The following PLCXD1 variants were observed in gnomAD, a reference collection of about 807,000 sequenced individuals.
PLCXD1 encodes the protein PI-PLC X domain-containing protein 1.
PLCXD1 carries 45 observed loss-of-function variants against 37.8 expected under a neutral mutation model. The observed-to-expected ratio is 1.19, with a 90% CI of 0.94 to 1.53. The LOEUF (loss-of-function observed/expected upper bound fraction) is 1.53, where lower values mean the gene tolerates loss of function less well. Among genes scored for constraint, PLCXD1 ranks in the 40% most tolerant of loss-of-function variants. PLCXD1 has a pLI of 0.00. For synonymous variants in PLCXD1, 246 were observed against 206.9 expected (o/e 1.19, Z -1.62); for missense variants, 539 against 454.7 (o/e 1.19, Z -1.69).
chrX:283,010 G>A (rs1157760471), intron 1 of PLCXD1, among the ~76,000 whole-genome samples: 7 of 144,968 alleles, frequency 4.8e-5, no homozygotes, highest in Non-Finnish European at 9.0e-5. Context: ...TATTATATAT[G>A]TTATATATAT....
chrX:281,742 TCTTCC>T (rs1350263397), intron 1 of PLCXD1, 58 bp downstream of exon 1: 2 of 152,382 alleles, frequency 1.3e-5, no homozygotes, highest in African/African-American at 4.8e-5. Context: ...GGCCGGGGCT[TCTTCC>T]CTTCCTCTCT....
intron 5 of PLCXD1, 113 bp downstream of exon 5, chrX:291,767 G>A (rs7892472): frequency 0.41 from 491,421 of 1,204,434 alleles, 106,787 homozygotes; most frequent in Middle Eastern, 0.5. Flanking sequence ...TGTAGCAGGT[G>A]AAGCCGTCGA....
chrX:295,130 C>T (rs2124387232), intron 6 of PLCXD1, among the ~76,000 whole-genome samples: 1 of 143,578 alleles, frequency 7.0e-6, no homozygotes, highest in Admixed American at 6.9e-5. Context: ...AATCGCGCCA[C>T]AGCACTCCAG....
intron 2 of PLCXD1, among the ~76,000 whole-genome samples, chrX:285,855 A>G (rs778292683): frequency 6.6e-6 from 1 of 152,286 alleles, no homozygotes; most frequent in Admixed American, 6.5e-5. Context: ...ACTGCAGCCC[A>G]GGAAACCCTC....
chrX:277,186 C>T (rs182557207), upstream of PLCXD1, among the ~76,000 whole-genome samples: 1 of 133,308 alleles, frequency 7.5e-6, no homozygotes, highest in Non-Finnish European at 1.6e-5. Flanking sequence ...GTGGGGAAGG[C>T]GTCGGGGGAC....
chrX:284,594 ACACACGCACACACG>A, intron 2 of PLCXD1, among the ~76,000 whole-genome samples: 1 of 61,142 alleles, frequency 1.6e-5, no homozygotes, highest in Non-Finnish European at 3.3e-5. Flanking sequence ...GCACACACGC[ACACACGCACACACG>A]CACACATGCA....
intron 2 of PLCXD1, among the ~76,000 whole-genome samples, chrX:287,379 T>G (rs1255545009): frequency 1.4e-5 from 2 of 143,936 alleles, no homozygotes; most frequent in Non-Finnish European, 3.0e-5. Context: ...AAATACATAT[T>G]TATGCAAAAA....
chrX:282,575 G>A (rs2069303816), intron 1 of PLCXD1, among the ~76,000 whole-genome samples: 1 of 150,092 alleles, frequency 6.7e-6, no homozygotes, highest in African/African-American at 2.4e-5. Context: ...TGTGGTGGCG[G>A]GCGCCTGTAA....
At chrX:293,485 C>T (rs778450035) in intron 6 of PLCXD1, among the ~76,000 whole-genome samples, 57 of 151,870 alleles carry the variant, frequency 3.8e-4, no homozygotes, top group African/African-American at 1.1e-3. Context: ...AGCGGCCGGG[C>T]GCAGTGGTTC....
intron 6 of PLCXD1, among the ~76,000 whole-genome samples, chrX:293,886 A>ACT (rs1437522063): frequency 6.6e-6 from 1 of 152,164 alleles, no homozygotes; most frequent in East Asian, 1.9e-4. Context: ...ATGAGGACTG[A>ACT]CTGCTTCATG....
At position 300,431 on chromosome X, in the gene PLCXD1, T is replaced by C. The variant is rs1417063226; in HGVS notation, c.*1096T>C. On this transcript the variant is annotated 3_prime_UTR_variant, in exon 7 of 7. Coordinates refer to ENST00000381657, the MANE Select transcript of PLCXD1 (RefSeq NM_018390.4). ...GTATATATGTGTATATATCGGTGTGTATATATGTATGTATGTTTATACATG... is the reference window on the plus strand; with the variant it reads ...GTATATATGTGTATATATCGGTGTGCATATATGTATGTATGTTTATACATG... 1.1e-5 allele frequency: 1 copy of C among 89,536 alleles called. No individual in the cohort carries two copies. The highest frequency in any genetic ancestry group is 1.1e-4 in the Admixed American group (1 of 9,370). The allele number at this position is 89,536 out of a possible 1,614,324, so 5.5% of individuals were successfully genotyped here. A position where few individuals can be genotyped will look rare whatever the true frequency, so the allele number is the denominator to read the frequency against.
chrX:290,001 A>G (rs1423192277), intron 3 of PLCXD1, among the ~76,000 whole-genome samples: 1 of 151,900 alleles, frequency 6.6e-6, no homozygotes, highest in Non-Finnish European at 1.5e-5. Flanking sequence ...TCTCTCACCC[A>G]GACTGGAGTG....
At chrX:283,422 C>T (rs1306554436) in intron 1 of PLCXD1, 1 of 152,234 alleles carries the variant, frequency 6.6e-6, no homozygotes, top group Non-Finnish European at 1.5e-5. Context: ...TTGGTCTGAC[C>T]AGGCCTGTCA....
chrX:284,428 T>G (rs1212843105), intron 2 of PLCXD1, 114 bp downstream of exon 2: 3 of 1,195,172 alleles, frequency 2.5e-6, no homozygotes, highest in Non-Finnish European at 3.6e-6. Context: ...GGAGCAATCC[T>G]GGGTGTAGGG....
intron 6 of PLCXD1, 110 bp from the exon 7 acceptor site, chrX:298,973 GTTGGACATGGTGCT>G (rs2069904008): frequency 1.3e-6 from 1 of 764,452 alleles, no homozygotes; most frequent in Non-Finnish European, 2.3e-6. Flanking sequence ...CAATTTCCTT[GTTGGACATGGTGCT>G]TTCAACTCTT....
At chrX:289,839 A>AGAC (rs2124357004) in intron 3 of PLCXD1, among the ~76,000 whole-genome samples, 1 of 152,144 alleles carries the variant, frequency 6.6e-6, no homozygotes, top group Admixed American at 6.6e-5. Context: ...CCTGCACTCA[A>AGAC]GACAGACAAG....
intron 2 of PLCXD1, among the ~76,000 whole-genome samples, chrX:285,138 ATGCATGC>A (rs2069406533): frequency 6.6e-6 from 1 of 151,786 alleles, no homozygotes; most frequent in South Asian, 2.1e-4. Flanking sequence ...ACACACATAC[ATGCATGC>A]ACACATGCAC....
At chrX:282,945 T>TA (rs2069317592) in intron 1 of PLCXD1, among the ~76,000 whole-genome samples, 1 of 105,450 alleles carries the variant, frequency 9.5e-6, no homozygotes, top group African/African-American at 3.1e-5. Flanking sequence ...TATATATATA[T>TA]TATATATATA....
intron 1 of PLCXD1, among the ~76,000 whole-genome samples, chrX:282,943 TATTATATATATATTATATATG>T (rs2069317279): frequency 7.5e-6 from 1 of 133,816 alleles, no homozygotes; most frequent in South Asian, 2.2e-4. Context: ...GTTATATATA[TATTATATATATATTATATATG>T]TATATATTAT....
Sources: gnomAD v4.1 joint callset for allele counts (sites outside exome capture counted in the v4.1 genomes callset) on GRCh38, gnomAD v4.1.1 for gene constraint, MANE v1.5 for transcripts, NCBI Gene and HGNC (gene_info 2026-07-23, HGNC 2026-07-21) for gene names.